Variants in SLIT3 observed in about 807,000 individuals in gnomAD.
SLIT3 encodes the protein slit guidance ligand 3, also known as slit homolog 3 protein.
Under a neutral mutation model 184.0 loss-of-function variants are expected in SLIT3, and 68 were observed. The ratio of observed to expected loss-of-function variants is 0.37; its 90% CI spans 0.30 to 0.45. The LOEUF (loss-of-function observed/expected upper bound fraction) is 0.45. Among genes scored for constraint, SLIT3 ranks in the 20% least tolerant of loss-of-function variants. The probability of loss-of-function intolerance (pLI) is 1.00; values close to 1 mark genes in which losing one functional copy is unlikely to be tolerated. For synonymous variants in SLIT3, 831 were observed against 828.6 expected (o/e 1.00, Z -0.05); for missense variants, 1,707 against 2,026.0 (o/e 0.84, Z 3.02).
chr5:168,981,223 A>G (rs542273272), intron 4 of SLIT3, among the ~76,000 whole-genome samples: 1 of 152,318 alleles, frequency 6.6e-6, no homozygotes, highest in Admixed American at 6.5e-5. Flanking sequence ...TGTAATTTGG[A>G]CCACGTGTCA....
chr5:169,205,653 C>T (rs1024243249), intron 3 of SLIT3, among the ~76,000 whole-genome samples: 2 of 152,182 alleles, frequency 1.3e-5, no homozygotes, highest in Admixed American at 1.3e-4. Context: ...ACTTATCTAA[C>T]AGAATTACTG....
chr5:168,847,605 C>T (rs183965131), intron 5 of SLIT3, among the ~76,000 whole-genome samples: 20 of 152,314 alleles, frequency 1.3e-4, no homozygotes, highest in African/African-American at 3.6e-4. Context: ...AAAGTAAATA[C>T]ACACTTGGTT....
At chr5:168,739,426 CTTTT>C (rs35705916) in intron 20 of SLIT3, among the ~76,000 whole-genome samples, 1 of 143,534 alleles carries the variant, frequency 7.0e-6, no homozygotes, top group Admixed American at 7.0e-5. Flanking sequence ...TCTTTTTATT[CTTTT>C]TTTTTTTTTT....
chr5:168,968,859 T>A (rs1754445608), intron 4 of SLIT3, among the ~76,000 whole-genome samples: 1 of 152,138 alleles, frequency 6.6e-6, no homozygotes, highest in African/African-American at 2.4e-5. Context: ...TGACCTTGAG[T>A]AAGTTACTGT....
At chr5:169,164,135 A>G (rs1234051366) in intron 4 of SLIT3, among the ~76,000 whole-genome samples, 1 of 152,200 alleles carries the variant, frequency 6.6e-6, no homozygotes, top group Non-Finnish European at 1.5e-5. Flanking sequence ...GCAACCCAAG[A>G]CATCTAAACA....
intron 1 of SLIT3, among the ~76,000 whole-genome samples, chr5:169,286,529 T>A (rs895146412): frequency 1.3e-5 from 2 of 152,108 alleles, no homozygotes; most frequent in Non-Finnish European, 2.9e-5. Context: ...TCCTTGGAGA[T>A]CATCCAGTCT....
chr5:168,988,148 A>G lies in SLIT3; in HGVS notation c.414-104812T>C, dbSNP rs147606722. Reference sequence around the variant, plus strand: ...TGGTGAATGGACCATATGTGCACCTATGGTGACCATTTTGTCTGAGACTTT... The same window carrying G: ...TGGTGAATGGACCATATGTGCACCTGTGGTGACCATTTTGTCTGAGACTTT... On this transcript the variant is annotated intron_variant, in intron 4 of 35. Coordinates refer to ENST00000519560, the MANE Select transcript of SLIT3 (RefSeq NM_003062.4). Among the ~76,000 whole-genome samples the G allele has an allele frequency of 8.5e-5, 13 of 152,286 alleles. No homozygotes were observed. The East Asian group carries it at 2.5e-3, about 29-fold the overall frequency.
In SLIT3 at chr5:169,244,220, C is replaced by T. The variant is rs80326767; in HGVS notation, c.341+485G>A. ...TGCTCACTCACAGGAGATACAAGCG[C>T]GCTGAAGGCTGCGCCCACTCACCAG... On this transcript the variant is annotated intron_variant, in intron 3 of 35. Transcript: ENST00000519560. 2.9e-3 allele frequency among the ~76,000 whole-genome samples: 435 copies of T among 152,356 alleles called. 5 individuals carry two copies. In the East Asian group the frequency reaches 0.031, roughly 11 times the overall value.
intron 32 of SLIT3, among the ~76,000 whole-genome samples, chr5:168,675,479 C>T (rs907541733): frequency 2.6e-5 from 4 of 152,170 alleles, no homozygotes; most frequent in African/African-American, 4.8e-5. Flanking sequence ...ATAGAACATC[C>T]GGTCTCAGTT....
chr5:169,052,815 T>C (rs1757861774), intron 4 of SLIT3, among the ~76,000 whole-genome samples: 1 of 152,182 alleles, frequency 6.6e-6, no homozygotes, highest in Non-Finnish European at 1.5e-5. Flanking sequence ...AAATACTGCA[T>C]CATCACCTCT....
intron 4 of SLIT3, among the ~76,000 whole-genome samples, chr5:168,994,934 G>C (rs551182776): frequency 6.6e-6 from 1 of 151,952 alleles, no homozygotes; most frequent in African/African-American, 2.4e-5. Context: ...GAGCCACTGC[G>C]CCCAGCCCTG....
intron 4 of SLIT3, among the ~76,000 whole-genome samples, chr5:169,174,246 A>G (rs1046682621): frequency 1.1e-4 from 16 of 152,102 alleles, no homozygotes; most frequent in Non-Finnish European, 4.4e-5. Flanking sequence ...CTTATCCTGC[A>G]TTTCTTTAAT....
intron 4 of SLIT3, among the ~76,000 whole-genome samples, chr5:169,043,926 C>G (rs191232483): frequency 5.4e-4 from 83 of 152,320 alleles, no homozygotes; most frequent in African/African-American, 1.9e-3. Context: ...AATGACATAA[C>G]TACGACAGAA....
chr5:168,929,064 T>C (rs1761914021), intron 4 of SLIT3, among the ~76,000 whole-genome samples: 1 of 152,204 alleles, frequency 6.6e-6, no homozygotes, highest in South Asian at 2.1e-4. Flanking sequence ...GGCATTATTT[T>C]AGGAACCTGT....
In SLIT3 at chr5:169,089,935, G is replaced by T. The variant is rs142232773; in HGVS notation, c.413+103544C>A. 3.8e-3 allele frequency among the ~76,000 whole-genome samples: 579 copies of T among 152,292 alleles called. 2 individuals carry two copies. The highest frequency in any genetic ancestry group is 0.034 in the Middle Eastern group (10 of 294). The stretch of plus-strand genomic sequence containing the variant: ...AGGCTACATCCTTGAATCTCAGCTT[G>T]GACTTGGTATCATTCAGAGTCCTAC... On this transcript the variant is annotated intron_variant, in intron 4 of 35. Coordinates refer to ENST00000519560, the MANE Select transcript of SLIT3 (RefSeq NM_003062.4).
intron 4 of SLIT3, among the ~76,000 whole-genome samples, chr5:168,971,142 G>A (rs971439429): frequency 1.3e-5 from 2 of 152,230 alleles, no homozygotes; most frequent in Non-Finnish European, 2.9e-5. Flanking sequence ...TAAATGAGAT[G>A]TATGCAAGGA....
chr5:169,268,677 G>GT (rs1290231639), intron 1 of SLIT3, among the ~76,000 whole-genome samples: 1 of 152,188 alleles, frequency 6.6e-6, no homozygotes, highest in African/African-American at 2.4e-5. Flanking sequence ...CTACTCGTGT[G>GT]TTTTGGGCAA....
At chr5:168,956,154 A>G (rs1014972509) in intron 4 of SLIT3, among the ~76,000 whole-genome samples, 2 of 152,212 alleles carry the variant, frequency 1.3e-5, no homozygotes, top group Non-Finnish European at 1.5e-5. Flanking sequence ...AGAGAAATCA[A>G]TTCCTTCCCA....
chr5:169,198,173 C>T (rs1410878067), intron 3 of SLIT3, among the ~76,000 whole-genome samples: 3 of 152,216 alleles, frequency 2.0e-5, no homozygotes, highest in Non-Finnish European at 4.4e-5. Flanking sequence ...TAAGATACAG[C>T]CCCTTCTTTT....
Sources: allele counts gnomAD v4.1 joint callset (sites outside exome capture counted in the v4.1 genomes callset), GRCh38; gene constraint gnomAD v4.1.1; transcripts MANE v1.5; gene names NCBI Gene and HGNC (gene_info 2026-07-23, HGNC 2026-07-21).